GAS2: variants seen among roughly 807,000 people sequenced by gnomAD.
The protein encoded by GAS2 is growth arrest specific 2.
A neutral mutation model predicts 37.5 loss-of-function variants in GAS2; 20 were observed. The ratio of observed to expected loss-of-function variants is 0.53; its 90% confidence interval spans 0.37 to 0.77. The LOEUF (loss-of-function observed/expected upper bound fraction) is 0.77. Among genes scored for constraint, GAS2 ranks in the 30% least tolerant of loss-of-function variants. The probability of loss-of-function intolerance (pLI) is 0.00; values close to 1 mark genes in which losing one functional copy is unlikely to be tolerated. For synonymous variants in GAS2, 144 were observed against 132.2 expected (o/e 1.09, Z -0.61); for missense variants, 336 against 373.4 (o/e 0.90, Z 0.82).
At chr11:22,682,527 A>G (rs182827028) in intron 2 of GAS2, among the ~76,000 whole-genome samples, 103 of 152,310 alleles carry the variant, frequency 6.8e-4, no homozygotes, top group African/African-American at 2.4e-3. Context: ...GAATAACATT[A>G]TAATTAAGAG....
At chr11:22,730,328 G>A (rs1852411321) in intron 4 of GAS2, among the ~76,000 whole-genome samples, 1 of 151,574 alleles carries the variant, frequency 6.6e-6, no homozygotes, top group Non-Finnish European at 1.5e-5. Flanking sequence ...TGATGCAATT[G>A]GACCAATTAG....
intron 1 of GAS2, among the ~76,000 whole-genome samples, chr11:22,671,305 GACCT>G (rs1238238078): frequency 6.6e-6 from 1 of 151,900 alleles, no homozygotes. Flanking sequence ...TGGATTCCTA[GACCT>G]AAGGGTTGGT....
intron 7 of GAS2, among the ~76,000 whole-genome samples, chr11:22,786,209 G>T (rs2134526852): frequency 6.6e-6 from 1 of 152,098 alleles, no homozygotes; most frequent in Non-Finnish European, 1.5e-5. Flanking sequence ...TTTGAAAATA[G>T]ATTTACATTT....
At chr11:22,633,245 T>C (rs1858769176) in intron 1 of GAS2, among the ~76,000 whole-genome samples, 1 of 152,240 alleles carries the variant, frequency 6.6e-6, no homozygotes, top group Non-Finnish European at 1.5e-5. Context: ...AATTTCTGTT[T>C]TTCCCTCTTG....
At chr11:22,798,265 G>C (rs953510608) in intron 7 of GAS2, among the ~76,000 whole-genome samples, 4 of 151,842 alleles carry the variant, frequency 2.6e-5, no homozygotes, top group Non-Finnish European at 5.9e-5. Flanking sequence ...AATAACAATA[G>C]CAGGCTATTT....
At chr11:22,710,696 T>G (rs1303461252) in intron 3 of GAS2, among the ~76,000 whole-genome samples, 3 of 152,152 alleles carry the variant, frequency 2.0e-5, no homozygotes, top group African/African-American at 7.2e-5. Flanking sequence ...TATCTCAAGC[T>G]CCTTCCTCTT....
chr11:22,743,428 T>A (rs1490838957), intron 5 of GAS2, among the ~76,000 whole-genome samples: 1 of 152,130 alleles, frequency 6.6e-6, no homozygotes, highest in Non-Finnish European at 1.5e-5. Context: ...TCAGAGACTA[T>A]ACTGGGCACA....
chr11:22,782,483 G>A (rs973055432), intron 7 of GAS2, among the ~76,000 whole-genome samples: 4 of 151,984 alleles, frequency 2.6e-5, no homozygotes, highest in African/African-American at 7.2e-5. Flanking sequence ...CAGTGCTGAG[G>A]TTGGGGTATG....
chr11:22,773,043 G>A (rs75720063), intron 7 of GAS2, among the ~76,000 whole-genome samples: 3,562 of 152,228 alleles, frequency 0.023, 49 homozygotes, highest in Non-Finnish European at 0.036. Flanking sequence ...AGTTCCAGTA[G>A]AGTGCTAAGA....
At chr11:22,680,792 A>G (rs2928345) in intron 2 of GAS2, among the ~76,000 whole-genome samples, 55,932 of 151,904 alleles carry the variant, frequency 0.37, 11,293 homozygotes, top group African/African-American at 0.55. Flanking sequence ...GTCATGGAAA[A>G]TAGTCATTTG....
At chr11:22,691,707 A>G (rs337476) in intron 3 of GAS2, among the ~76,000 whole-genome samples, 37,692 of 152,076 alleles carry the variant, frequency 0.25, 5,444 homozygotes, top group African/African-American at 0.39. Context: ...TTTTATAGGT[A>G]TGTTGCTGCC....
chr11:22,698,380 G>A (rs1850653300), intron 3 of GAS2, among the ~76,000 whole-genome samples: 1 of 151,910 alleles, frequency 6.6e-6, no homozygotes, highest in Non-Finnish European at 1.5e-5. Flanking sequence ...ATAATCAATA[G>A]CTTACCAACC....
chr11:22,736,221 A>G (rs1042185426), intron 4 of GAS2, among the ~76,000 whole-genome samples: 2 of 151,990 alleles, frequency 1.3e-5, no homozygotes, highest in African/African-American at 4.8e-5. Context: ...GTCAACTTGT[A>G]GTAGATTTGA....
chr11:22,674,390 T>C (rs961832628), intron 1 of GAS2, among the ~76,000 whole-genome samples: 9 of 152,142 alleles, frequency 5.9e-5, no homozygotes, highest in Non-Finnish European at 4.4e-5. Flanking sequence ...TTAGGCTATA[T>C]TTTTAAGGGT....
chr11:22,665,813 T>A (rs1484545289), upstream of GAS2, among the ~76,000 whole-genome samples: 2 of 152,242 alleles, frequency 1.3e-5, no homozygotes, highest in African/African-American at 4.8e-5. Context: ...AGCTTGTGGA[T>A]GTACAGGTAG....
chr11:22,805,601 G>C (rs952266208), intron 7 of GAS2, among the ~76,000 whole-genome samples: 1 of 152,010 alleles, frequency 6.6e-6, no homozygotes, highest in African/African-American at 2.4e-5. Context: ...AACATCTTTA[G>C]ATTCCACATA....
intron 5 of GAS2, 124 bp downstream of exon 5, chr11:22,737,892 T>C (rs1270931997): frequency 2.4e-6 from 2 of 838,338 alleles, no homozygotes; most frequent in African/African-American, 1.7e-5. Context: ...TCATTCACGA[T>C]GATAATATGA....
At chr11:22,626,782 A>T (rs1858661412) in intron 1 of GAS2, 1 of 152,258 alleles carries the variant, frequency 6.6e-6, no homozygotes, top group Non-Finnish European at 1.5e-5. Flanking sequence ...GTACTTTAAC[A>T]AAAAGGGGAA....
At chr11:22,743,573 G>T (rs1050607959) in intron 5 of GAS2, among the ~76,000 whole-genome samples, 2 of 152,046 alleles carry the variant, frequency 1.3e-5, no homozygotes, top group Non-Finnish European at 2.9e-5. Flanking sequence ...CATTGAAGAT[G>T]CTCAGTAGCA....
Sources: allele counts gnomAD v4.1 joint callset (sites outside exome capture counted in the v4.1 genomes callset), GRCh38; gene constraint gnomAD v4.1.1; transcripts MANE v1.5; gene names NCBI Gene and HGNC (gene_info 2026-07-23, HGNC 2026-07-21).